Variants in EMILIN2 observed in about 807,000 individuals in gnomAD.
The protein encoded by EMILIN2 is EMILIN-2.
A neutral mutation model predicts 87.1 loss-of-function variants in EMILIN2; 71 were observed. The ratio of observed to expected loss-of-function variants is 0.82; its 90% confidence interval spans 0.67 to 0.99. The LOEUF is 0.99. Ranked by LOEUF, EMILIN2 falls within the 50% of genes least tolerant of loss-of-function variation. The pLI, the probability that EMILIN2 is intolerant of heterozygous loss-of-function variation, is 0.00. For synonymous variants in EMILIN2, 581 were observed against 563.4 expected, an observed-to-expected ratio of 1.03 and a Z score of -0.44; for missense variants, 1,407 against 1,371.8, an observed-to-expected ratio of 1.03 and a Z score of -0.40.
At chr18:2,879,137 G>T (rs1460434622) in intron 2 of EMILIN2, among the ~76,000 whole-genome samples, 1 of 152,162 alleles carries the variant, frequency 6.6e-6, no homozygotes, top group Non-Finnish European at 1.5e-5. Context: ...GAGAAGATGG[G>T]TTGATGGGGG....
chr18:2,892,001 T>C lies in EMILIN2; in HGVS notation c.1874T>C (p.Leu625Pro). The change falls in exon 4 of 8, where the codon CTT (leucine) becomes CCT (proline). Residue 625 changes from leucine to proline, a missense_variant. Coordinates refer to ENST00000254528, the MANE Select transcript of EMILIN2 (RefSeq NM_032048.3). The stretch of plus-strand genomic sequence containing the variant: ...CACACAGAAAATGATGTGACTCATC[T>C]TCAAAAGGAAATGAGCAATTGTAGA... ...LNHTENDVTH[L>P]QKEMSNCRAG... is the part of the protein sequence containing the mutation. 1 of 1,614,244 alleles carries C rather than the reference T, an allele frequency of 6.2e-7. No individual in the cohort carries two copies. The highest frequency in any genetic ancestry group is 8.5e-7 in the Non-Finnish European group (1 of 1,180,048).
chr18:2,879,161 C>T (rs571930939), intron 2 of EMILIN2, among the ~76,000 whole-genome samples: 37 of 152,206 alleles, frequency 2.4e-4, no homozygotes, highest in Non-Finnish European at 3.8e-4. Flanking sequence ...GGGATCAAGA[C>T]GTGAACAGAT....
chr18:2,907,108 G>A, intron 5 of EMILIN2, 23 bp downstream of exon 5: 1 of 1,232,648 alleles, frequency 8.1e-7, no homozygotes, highest in Non-Finnish European at 1.0e-6. Context: ...GCTGCGCGGG[G>A]AGGAGCGCGG....
intron 2 of EMILIN2, among the ~76,000 whole-genome samples, chr18:2,873,373 G>A (rs921222003): frequency 7.2e-5 from 11 of 152,150 alleles, no homozygotes. Flanking sequence ...TTGTACCACT[G>A]CACTCCAGCC....
chr18:2,875,537 A>G (rs2076743253), intron 2 of EMILIN2, among the ~76,000 whole-genome samples: 1 of 152,110 alleles, frequency 6.6e-6, no homozygotes, highest in African/African-American at 2.4e-5. Context: ...GGCCTCCATC[A>G]AGTCTTCGAT....
In EMILIN2 at chr18:2,888,694, A is replaced by G. The variant is rs575613147; in HGVS notation, c.434-1867A>G. On this transcript the variant is annotated intron_variant, in intron 3 of 7. Coordinates refer to ENST00000254528, the MANE Select transcript of EMILIN2 (RefSeq NM_032048.3). ...AGCACCACTGCACTCCAGCCTGGGC[A>G]ACAGAGGGAGATTCTGTCTCAAAAA... 5.5e-4 allele frequency among the ~76,000 whole-genome samples: 82 copies of G among 150,318 alleles called. No homozygotes were observed. In the Middle Eastern group the frequency reaches 0.01, roughly 19 times the overall value.
intron 2 of EMILIN2, among the ~76,000 whole-genome samples, chr18:2,877,436 GTTT>G (rs33950110): frequency 0.026 from 3,518 of 136,458 alleles, 143 homozygotes; most frequent in African/African-American, 0.09. Context: ...TTGACTGACA[GTTT>G]TTTTTTTTTT....
chr18:2,855,907 ATTGT>A (rs1347532852), intron 2 of EMILIN2, among the ~76,000 whole-genome samples: 3 of 152,128 alleles, frequency 2.0e-5, no homozygotes, highest in Non-Finnish European at 4.4e-5. Context: ...CACCGTTTTC[ATTGT>A]TTGTCGGTTT....
chr18:2,852,122 C>T (rs1022529987), intron 2 of EMILIN2, among the ~76,000 whole-genome samples: 20 of 152,200 alleles, frequency 1.3e-4, no homozygotes, highest in African/African-American at 4.3e-4. Flanking sequence ...AGGCAATTCT[C>T]ATATAGAAGT....
chr18:2,877,383 T>TC (rs1261868137), intron 2 of EMILIN2, among the ~76,000 whole-genome samples: 4 of 152,100 alleles, frequency 2.6e-5, no homozygotes, highest in Admixed American at 6.5e-5. Flanking sequence ...TCTTTTTTTT[T>TC]CTCATACCAC....
In EMILIN2 at chr18:2,914,063, G is replaced by A. The variant is rs558442635; in HGVS notation, c.*659G>A. 3 of 146,000 alleles carry A rather than the reference G, an allele frequency of 2.1e-5. No individual in the cohort carries two copies. The East Asian group carries it at 6.8e-4, about 33-fold the overall frequency. 9.0% of individuals were successfully genotyped at this position (146,000 alleles called of 1,614,324 possible). On this transcript the variant is annotated 3_prime_UTR_variant, in exon 8 of 8. Coordinates refer to ENST00000254528, the MANE Select transcript of EMILIN2 (RefSeq NM_032048.3). ...CAGGGAGTGTCAATAAAGATGGAAA[G>A]CCATTTCCAGTTAACTTTTGTTAAT...
chr18:2,896,424 T>C (rs1341158815), intron 4 of EMILIN2, among the ~76,000 whole-genome samples: 1 of 151,794 alleles, frequency 6.6e-6, no homozygotes, highest in Non-Finnish European at 1.5e-5. Context: ...GATCCACCCA[T>C]CTCAGCCTCC....
upstream of EMILIN2, among the ~76,000 whole-genome samples, chr18:2,846,312 G>C (rs1462877642): frequency 6.6e-6 from 1 of 152,256 alleles, no homozygotes; most frequent in Non-Finnish European, 1.5e-5. This position sits in a 1 kb window ranked among gnomAD's most constrained non-coding sequence, Gnocchi z 5.3. Context: ...GAAAAAGAAA[G>C]TTCACAGTGG....
In EMILIN2 at chr18:2,848,806, C is replaced by T. The variant is rs768857815; in HGVS notation, c.257+875C>T. On this transcript the variant is annotated intron_variant, in intron 2 of 7. Coordinates refer to ENST00000254528, the MANE Select transcript of EMILIN2 (RefSeq NM_032048.3). The surrounding 1 kb of genome is among the most constrained non-coding windows in gnomAD (Gnocchi z 4.1). The stretch of plus-strand genomic sequence containing the variant: ...AGAATAAGTTGTTTGTCTTAGAGCA[C>T]AGTTGTCATTACAGCAGAGAATAGT... 5.0e-4 allele frequency among the ~76,000 whole-genome samples: 76 copies of T among 152,236 alleles called. No homozygotes were observed. Among genetic ancestry groups the T allele is most frequent in the African/African-American group, 1.7e-3 (69 of 41,534 alleles).
chr18:2,891,494 G>A lies in EMILIN2; in HGVS notation c.1367G>A (p.Arg456Lys). 6.2e-7 allele frequency: 1 copy of A among 1,614,204 alleles called. No homozygotes were observed. Among genetic ancestry groups the A allele is most frequent in the South Asian group, 1.1e-5 (1 of 91,086 alleles). Reference sequence around the variant, plus strand: ...GCAAAATGGAATGAACTCGATGCAAGGATCAATGTGACGGAGAAGAACGCT... The same window carrying A: ...GCAAAATGGAATGAACTCGATGCAAAGATCAATGTGACGGAGAAGAACGCT... ...FDAKWNELDARINVTEKNAEE... is the reference protein window; with the variant it reads ...FDAKWNELDAKINVTEKNAEE... The change falls in exon 4 of 8, where the codon AGG becomes AAG. Residue 456 changes from arginine (R) to lysine (K), a missense_variant. By Grantham distance (26) the Arg-to-Lys change is conservative. Transcript: ENST00000254528. The surrounding 1 kb of genome is among the most constrained non-coding windows in gnomAD (Gnocchi z 4.6).
intron 2 of EMILIN2, among the ~76,000 whole-genome samples, chr18:2,874,968 C>A (rs1191555191): frequency 6.6e-6 from 1 of 152,204 alleles, no homozygotes; most frequent in African/African-American, 2.4e-5. Flanking sequence ...ATGTCACGGC[C>A]ACTTCTCTTG....
Position 2,892,097 on chromosome 18 carries a change from C to T in EMILIN2, c.1970C>T (p.Pro657Leu), listed in dbSNP as rs759999660. The change falls in exon 4 of 8, where the codon CCG (proline) becomes CTG (leucine). Residue 657 changes from proline to leucine, a missense_variant. Coordinates refer to ENST00000254528, the MANE Select transcript of EMILIN2 (RefSeq NM_032048.3). ...CAAGAAAGGACAGTGGACACCCTGC[C>T]GTCCCCCCAGCACCCCGTGGCTCAT... Reference protein sequence around the residue: ...GEQERTVDTLPSPQHPVAHCC... With the variant: ...GEQERTVDTLLSPQHPVAHCC... 7 of 1,613,744 alleles carry T rather than the reference C, an allele frequency of 4.3e-6. No individual in the cohort carries two copies. Among genetic ancestry groups the T allele is most frequent in the East Asian group, 2.2e-5 (1 of 44,870 alleles).
intron 7 of EMILIN2, 47 bp from the exon 8 acceptor site, chr18:2,913,020 G>A: frequency 6.3e-7 from 1 of 1,590,294 alleles, no homozygotes; most frequent in Non-Finnish European, 8.5e-7. Context: ...CATGGCAAGG[G>A]CTGTGACGAC....
In EMILIN2 at chr18:2,891,507, G is replaced by A. The variant is rs371719195; in HGVS notation, c.1380G>A (p.Thr460=). The A allele has an allele frequency of 6.6e-5, 107 of 1,614,036 alleles. 1 individual carries two copies. The East Asian group carries it at 8.2e-4, about 12-fold the overall frequency. Residue 460 remains threonine, a synonymous_variant, in exon 4 of 8, where the codon ACG becomes ACA. Coordinates refer to ENST00000254528, the MANE Select transcript of EMILIN2 (RefSeq NM_032048.3). This position sits in a 1 kb window ranked among gnomAD's most constrained non-coding sequence, Gnocchi z 4.6. ...AACTCGATGCAAGGATCAATGTGAC[G>A]GAGAAGAACGCTGAAGAACATTGCT... is the stretch of plus-strand genomic sequence containing the variant. ...WNELDARINV[T]EKNAEEHCFY... is the part of the protein sequence containing the mutation.
Sources: gnomAD v4.1 joint callset for allele counts (sites outside exome capture counted in the v4.1 genomes callset) on GRCh38, gnomAD v4.1.1 for gene constraint, Gnocchi (gnomAD v3.1) non-coding constraint, MANE v1.5 for transcripts, NCBI Gene and HGNC (gene_info 2026-07-23, HGNC 2026-07-21) for gene names.